MACROD2: variants seen among roughly 807,000 people sequenced by gnomAD.
MACROD2 encodes the protein ADP-ribose glycohydrolase MACROD2.
In MACROD2, 36 loss-of-function variants were observed where a neutral mutation model predicts 70.4. That is an observed-to-expected ratio of 0.51 (90% CI 0.39 to 0.68). MACROD2 has a LOEUF of 0.68. Ranked by LOEUF, MACROD2 falls within the 30% of genes least tolerant of loss-of-function variation. MACROD2 has a pLI of 0.00. For synonymous variants in MACROD2, 172 were observed against 178.8 expected (o/e 0.96, Z 0.30); for missense variants, 496 against 538.4 (o/e 0.92, Z 0.78).
intron 5 of MACROD2, among the ~76,000 whole-genome samples, chr20:14,723,963 C>T (rs1004272580): frequency 2.6e-5 from 4 of 152,032 alleles, no homozygotes; most frequent in African/African-American, 9.7e-5. Context: ...GTTGTTTACA[C>T]TGTTGGGTAT....
At chr20:14,964,892 G>A (rs547110426) in intron 5 of MACROD2, among the ~76,000 whole-genome samples, 248 of 152,278 alleles carry the variant, frequency 1.6e-3, no homozygotes, top group Non-Finnish European at 2.8e-3. Flanking sequence ...GCAGGTATAG[G>A]CGGAATACAT....
At chr20:15,895,438 A>G (rs2064955823) in intron 10 of MACROD2, among the ~76,000 whole-genome samples, 1 of 152,268 alleles carries the variant, frequency 6.6e-6, no homozygotes, top group Non-Finnish European at 1.5e-5. Context: ...ACAAATAAAA[A>G]GTAAAGATAG....
chr20:15,333,923 A>G (rs775593274), intron 6 of MACROD2, among the ~76,000 whole-genome samples: 1 of 151,706 alleles, frequency 6.6e-6, no homozygotes. Context: ...CACAGCTTCA[A>G]GAAAATTTCA....
chr20:15,644,159 C>T (rs181003542), intron 8 of MACROD2, among the ~76,000 whole-genome samples: 1 of 152,250 alleles, frequency 6.6e-6, no homozygotes, highest in East Asian at 1.9e-4. Context: ...CACTGCATCC[C>T]CATTGACTCT....
At chr20:15,104,639 CGTT>C (rs1487800862) in intron 5 of MACROD2, among the ~76,000 whole-genome samples, 2 of 151,800 alleles carry the variant, frequency 1.3e-5, no homozygotes, top group East Asian at 1.9e-4. Context: ...CTGCGGATCT[CGTT>C]GTTGATACGC....
chr20:14,394,952 C>A (rs1377197301), intron 3 of MACROD2, among the ~76,000 whole-genome samples: 2 of 152,042 alleles, frequency 1.3e-5, no homozygotes, highest in Admixed American at 6.6e-5. Context: ...TCTATTGTGT[C>A]AAAATATGCT....
At chr20:14,736,430 T>C (rs2071665396) in intron 5 of MACROD2, among the ~76,000 whole-genome samples, 1 of 152,208 alleles carries the variant, frequency 6.6e-6, no homozygotes, top group Non-Finnish European at 1.5e-5. Flanking sequence ...TGTGAAAGTA[T>C]ACTGAAAGTC....
intron 8 of MACROD2, among the ~76,000 whole-genome samples, chr20:15,514,717 A>T (rs1281596853): frequency 6.6e-6 from 1 of 152,240 alleles, no homozygotes; most frequent in Admixed American, 6.5e-5. Context: ...CCTTACTTGA[A>T]TTAAATAATT....
intron 8 of MACROD2, among the ~76,000 whole-genome samples, chr20:15,775,433 C>A (rs767837322): frequency 3.3e-5 from 5 of 152,000 alleles, no homozygotes; most frequent in African/African-American, 4.8e-5. Context: ...TTTGAAAGAA[C>A]TGGTTTCTGT....
At chr20:14,340,437 G>A (rs1188571639) in intron 3 of MACROD2, among the ~76,000 whole-genome samples, 2 of 152,122 alleles carry the variant, frequency 1.3e-5, no homozygotes, top group South Asian at 2.1e-4. Flanking sequence ...GGAACAAAAA[G>A]GACACTAAGA....
chr20:15,420,915 C>T (rs1431862576), intron 6 of MACROD2, among the ~76,000 whole-genome samples: 1 of 151,882 alleles, frequency 6.6e-6, no homozygotes, highest in Non-Finnish European at 1.5e-5. Context: ...GTGAGACCCT[C>T]GTCTTTCCGA....
chr20:14,006,394 T>G (rs1401475314), intron 2 of MACROD2, among the ~76,000 whole-genome samples: 13 of 152,184 alleles, frequency 8.5e-5, no homozygotes, highest in Non-Finnish European at 1.8e-4. Context: ...CAGACTATTT[T>G]GAATGAAATC....
intron 7 of MACROD2, among the ~76,000 whole-genome samples, chr20:15,481,846 G>A (rs1286499151): frequency 6.6e-6 from 1 of 152,192 alleles, no homozygotes; most frequent in African/African-American, 2.4e-5. Flanking sequence ...TGCCCTTATG[G>A]AAAGGTAAAT....
intron 4 of MACROD2, among the ~76,000 whole-genome samples, chr20:14,534,029 G>A (rs1212231716): frequency 6.6e-6 from 1 of 152,090 alleles, no homozygotes; most frequent in Non-Finnish European, 1.5e-5. Context: ...ATATGTTCTT[G>A]TTACAAGTCT....
chr20:15,617,971 G>A (rs1010430765), intron 8 of MACROD2, among the ~76,000 whole-genome samples: 31 of 152,148 alleles, frequency 2.0e-4, no homozygotes, highest in African/African-American at 7.0e-4. Flanking sequence ...TGGAACATGT[G>A]GGTGTAGAAG....
chr20:15,403,414 AAG>A (rs2045956588), intron 6 of MACROD2, among the ~76,000 whole-genome samples: 1 of 151,424 alleles, frequency 6.6e-6, no homozygotes, highest in Non-Finnish European at 1.5e-5. Flanking sequence ...GAGAGAGAGA[AAG>A]AGAAGAAGAA....
chr20:15,214,989 G>C (rs1205991880), intron 5 of MACROD2, among the ~76,000 whole-genome samples: 1 of 151,954 alleles, frequency 6.6e-6, no homozygotes, highest in Non-Finnish European at 1.5e-5. Context: ...TATCCCTTTT[G>C]GTCCAAGCAG....
At chr20:14,801,974 A>G (rs1056517520) in intron 5 of MACROD2, among the ~76,000 whole-genome samples, 4 of 152,112 alleles carry the variant, frequency 2.6e-5, no homozygotes, top group African/African-American at 9.7e-5. Flanking sequence ...GGTCAATATC[A>G]GTGACTTTGA....
At chr20:15,785,591 A>T (rs574170139) in intron 8 of MACROD2, among the ~76,000 whole-genome samples, 1 of 152,212 alleles carries the variant, frequency 6.6e-6, no homozygotes, top group South Asian at 2.1e-4. Flanking sequence ...CTGTAAGTAG[A>T]TCTTTAAGGG....
Sources: gnomAD v4.1 joint callset for allele counts (sites outside exome capture counted in the v4.1 genomes callset) on GRCh38, gnomAD v4.1.1 for gene constraint, MANE v1.5 for transcripts, NCBI Gene and HGNC (gene_info 2026-07-23, HGNC 2026-07-21) for gene names.